ADGRG4: variants seen among roughly 807,000 people sequenced by gnomAD.
The protein encoded by ADGRG4 is G protein-coupled receptor 112.
In ADGRG4, 122 loss-of-function variants were observed where a neutral mutation model predicts 126.2. The observed-to-expected ratio is 0.97, with a 90% CI of 0.83 to 1.12. ADGRG4 has a LOEUF of 1.12. Among genes scored for constraint, ADGRG4 ranks in the 50% most tolerant of loss-of-function variants. The probability of loss-of-function intolerance (pLI) is 0.00; values close to 1 mark genes in which losing one functional copy is unlikely to be tolerated. For missense variants in ADGRG4, 2,481 were observed against 2,251.8 expected (o/e 1.10, Z -2.06); for synonymous variants, 943 against 838.7 (o/e 1.12, Z -2.15).
chrX:136,390,837 A>G (rs1242581342), intron 16 of ADGRG4, among the ~76,000 whole-genome samples: 1 of 110,626 alleles, frequency 9.0e-6, no homozygotes, highest in Non-Finnish European at 1.9e-5. Flanking sequence ...CGTCACTTAG[A>G]CTAAGTTGGG....
intron 24 of ADGRG4, among the ~76,000 whole-genome samples, chrX:136,413,194 C>T (rs922764941): frequency 9.3e-6 from 1 of 107,674 alleles, no homozygotes; most frequent in Non-Finnish European, 1.9e-5. Context: ...CCCACTAACT[C>T]GTCATCTAGC....
rs12013963 is a variant in ADGRG4 at position 136,354,639 on chromosome X, C to T, written c.6887+1238C>T. On this transcript the variant is annotated intron_variant, in intron 8 of 25. Transcript: ENST00000394143. Reference sequence around the variant, plus strand: ...GATCTCACAGGTCCCCAAGACTGCCCCTCACCCCAGACACTAGTCAAAAGT... The same window carrying T: ...GATCTCACAGGTCCCCAAGACTGCCTCTCACCCCAGACACTAGTCAAAAGT... 4.2e-3 allele frequency among the ~76,000 whole-genome samples: 461 copies of T among 110,988 alleles called. 1 individual carries two copies. Among genetic ancestry groups the T allele is most frequent in the African/African-American group, 0.014 (434 of 30,552 alleles).
intron 5 of ADGRG4, among the ~76,000 whole-genome samples, chrX:136,327,739 A>G (rs989723903): frequency 9.0e-6 from 1 of 110,583 alleles, no homozygotes; most frequent in Admixed American, 9.7e-5. Context: ...TAGGTTTTCA[A>G]TTTTGTAAGA....
chrX:136,384,578 C>T (rs1040498291), intron 15 of ADGRG4, among the ~76,000 whole-genome samples: 2 of 111,826 alleles, frequency 1.8e-5, no homozygotes, highest in Non-Finnish European at 3.8e-5. Context: ...AAAAAATTCA[C>T]TTAGGATTTA....
chrX:136,325,117 G>C (rs2074864205), intron 5 of ADGRG4, among the ~76,000 whole-genome samples: 1 of 112,129 alleles, frequency 8.9e-6, no homozygotes, highest in Admixed American at 9.5e-5. Context: ...ATCAAGACAA[G>C]ATTTTTTTGC....
chrX:136,336,236 G>A (rs746032241), intron 5 of ADGRG4, among the ~76,000 whole-genome samples: 15 of 111,112 alleles, frequency 1.3e-4, no homozygotes, highest in Non-Finnish European at 2.5e-4. Flanking sequence ...TATAAATTCA[G>A]TTCCTTTAAA....
intron 4 of ADGRG4, among the ~76,000 whole-genome samples, chrX:136,315,459 G>A (rs1418386850): frequency 9.0e-6 from 1 of 111,212 alleles, no homozygotes; most frequent in Non-Finnish European, 1.9e-5. Context: ...AGGCAGACAT[G>A]GAGTAGCCTT....
intron 22 of ADGRG4, among the ~76,000 whole-genome samples, chrX:136,404,768 C>G (rs1235323339): frequency 1.8e-5 from 2 of 111,983 alleles, no homozygotes. Context: ...ATGCTGATGA[C>G]ATTCAGGGAA....
At position 136,349,759 on chromosome X, in the gene ADGRG4, C is replaced by T. The variant is rs780364925; in HGVS notation, c.6053C>T (p.Ser2018Phe). The T allele has an allele frequency of 1.5e-5, 18 of 1,209,577 alleles. No homozygotes were observed. The highest frequency in any genetic ancestry group is 7.0e-5 in the South Asian group (4 of 56,816). Residue 2018 changes from serine to phenylalanine, a missense_variant, in exon 6 of 26, where the codon TCC (serine) becomes TTC (phenylalanine). By Grantham distance (155) the Ser-to-Phe change is radical. Coordinates refer to ENST00000394143, the MANE Select transcript of ADGRG4 (RefSeq NM_153834.4). ...CTCTTATCTAGTCTCCCTTCTGGCTCCCCTCCGGCAACTGTATCTAATGCC... is the reference window on the plus strand; with the variant it reads ...CTCTTATCTAGTCTCCCTTCTGGCTTCCCTCCGGCAACTGTATCTAATGCC... ...TWLLSSLPSG[S>F]PPATVSNAPH...
At chrX:136,330,945 T>G (rs1027479007) in intron 5 of ADGRG4, among the ~76,000 whole-genome samples, 3 of 111,174 alleles carry the variant, frequency 2.7e-5, no homozygotes, top group Admixed American at 1.9e-4. Context: ...TTATTCTTTC[T>G]AACTTTTTTT....
rs1244309826 is a variant in ADGRG4 at position 136,405,708 on chromosome X, G to A, written c.8671G>A (p.Asp2891Asn). The change falls in exon 23 of 26, where the codon GAT (aspartate) becomes AAT (asparagine). Residue 2891 changes from aspartate to asparagine, a missense_variant. Transcript: ENST00000394143. ...TTCTTACAGTTGTTGGATTAAAGAT[G>A]ATTCTATCTTTTACATCTCAGTGGT... ...PTTPFCWIKD[D>N]SIFYISVVAY... is the part of the protein sequence containing the mutation. The A allele has an allele frequency of 1.7e-6, 2 of 1,165,506 alleles. No homozygotes were observed. The highest frequency in any genetic ancestry group is 6.1e-5 in the East Asian group (2 of 32,854).
At chrX:136,316,715 G>A (rs774497722) in intron 4 of ADGRG4, among the ~76,000 whole-genome samples, 3 of 111,883 alleles carry the variant, frequency 2.7e-5, no homozygotes, top group South Asian at 3.8e-4. Flanking sequence ...TGATCCGCCC[G>A]TCTCAGCCTC....
intron 22 of ADGRG4, among the ~76,000 whole-genome samples, chrX:136,404,812 TG>T (rs1214672550): frequency 1.8e-5 from 2 of 112,021 alleles, no homozygotes; most frequent in East Asian, 2.8e-4. Flanking sequence ...GAAAATTAAA[TG>T]TTTTTTTAAC....
At chrX:136,404,320 T>C (rs755843443) in intron 22 of ADGRG4, among the ~76,000 whole-genome samples, 7 of 111,423 alleles carry the variant, frequency 6.3e-5, no homozygotes, top group Non-Finnish European at 1.3e-4. Context: ...GTGACCCTTC[T>C]TGAACCATCA....
intron 5 of ADGRG4, among the ~76,000 whole-genome samples, chrX:136,331,420 A>G (rs918881748): frequency 1.2e-4 from 14 of 112,604 alleles, no homozygotes; most frequent in African/African-American, 3.9e-4. Context: ...GGAACCTCCA[A>G]ACTGTTTGCA....
At chrX:136,301,796 A>G (rs756553447) in intron 1 of ADGRG4, among the ~76,000 whole-genome samples, 3 of 111,859 alleles carry the variant, frequency 2.7e-5, no homozygotes, top group South Asian at 3.7e-4. Flanking sequence ...AGCTTTCTCC[A>G]TATGGCTAGC....
rs767456451 is a variant in ADGRG4, at chrX:136,344,509, C to A, written c.803C>A (p.Thr268Lys). 24 of 1,205,491 alleles carry A rather than the reference C, an allele frequency of 2.0e-5. No homozygotes were observed. The highest frequency in any genetic ancestry group is 2.2e-5 in the Non-Finnish European group (20 of 891,196). Residue 268 changes from threonine (T) to lysine (K), a missense_variant, in exon 6 of 26, where the codon ACA (threonine) becomes AAA (lysine). By Grantham distance (78) the Thr-to-Lys change is moderately conservative. Transcript: ENST00000394143. ...CCACAAAATACTGCACATTCCTCTA[C>A]ACTATTGTCTCAAAGCATACCTATA... ...VKPQNTAHSS[T>K]LLSQSIPIFA... is the part of the protein sequence containing the mutation.
At chrX:136,330,167 G>C (rs1346874359) in intron 5 of ADGRG4, among the ~76,000 whole-genome samples, 1 of 110,958 alleles carries the variant, frequency 9.0e-6, no homozygotes, top group African/African-American at 3.3e-5. Flanking sequence ...GGGCAAACTT[G>C]TGTATCTACC....
intron 5 of ADGRG4, among the ~76,000 whole-genome samples, chrX:136,331,264 G>A (rs1402629975): frequency 8.9e-6 from 1 of 112,117 alleles, no homozygotes; most frequent in African/African-American, 3.2e-5. Context: ...CACTTAGGTT[G>A]CTTCCAAATC....
Sources: allele counts gnomAD v4.1 joint callset (sites outside exome capture counted in the v4.1 genomes callset), GRCh38; gene constraint gnomAD v4.1.1; transcripts MANE v1.5; gene names NCBI Gene and HGNC (gene_info 2026-07-23, HGNC 2026-07-21).